CYYR1: variants seen among roughly 807,000 people sequenced by gnomAD.
The protein encoded by CYYR1 is cysteine and tyrosine rich 1.
Under a neutral mutation model 15.2 loss-of-function variants are expected in CYYR1, and 14 were observed. The observed-to-expected ratio is 0.92, with a 90% CI of 0.61 to 1.44. The LOEUF (loss-of-function observed/expected upper bound fraction) is 1.44. Ranked by LOEUF, CYYR1 falls within the 40% of genes most tolerant of loss-of-function variation. CYYR1 has a pLI of 0.00. For synonymous variants in CYYR1, 80 were observed against 77.4 expected, an observed-to-expected ratio of 1.03 and a Z score of -0.18; for missense variants, 228 against 209.5, an observed-to-expected ratio of 1.09 and a Z score of -0.54.
chr21:26,503,757 G>C (rs1235474223), intron 2 of CYYR1: 3 of 152,074 alleles, frequency 2.0e-5, no homozygotes, highest in Non-Finnish European at 2.9e-5. Flanking sequence ...TATTTATTCA[G>C]ATAATCATAA....
chr21:26,527,814 G>A (rs140633014), intron 2 of CYYR1, among the ~76,000 whole-genome samples: 18 of 152,272 alleles, frequency 1.2e-4, no homozygotes, highest in African/African-American at 4.1e-4. Flanking sequence ...AGTGATTTGA[G>A]GGTGTGTGCA....
intron 2 of CYYR1, among the ~76,000 whole-genome samples, chr21:26,501,066 G>A (rs537650131): frequency 1.4e-4 from 21 of 152,164 alleles, no homozygotes; most frequent in African/African-American, 2.7e-4. Flanking sequence ...AAGGCCGGGC[G>A]CAGTGACTTA....
chr21:26,488,282 T>A (rs1420798043), intron 2 of CYYR1, among the ~76,000 whole-genome samples: 2 of 151,482 alleles, frequency 1.3e-5, no homozygotes, highest in African/African-American at 4.9e-5. Flanking sequence ...CCTTCCTTCC[T>A]TCCAGACAAG....
At position 26,468,061 on chromosome 21, in the gene CYYR1, G is replaced by GA. The variant is rs2123347007; in HGVS notation, c.*439dup. ...ACTCAAAATACATTTATTGATGAAT[G>GA]AAAGAATGAACAATTCTAGTTCTGA... On this transcript the variant is annotated 3_prime_UTR_variant, in exon 4 of 4. Transcript: ENST00000652641. 4.4e-6 allele frequency: 1 copy of GA among 225,344 alleles called. No homozygotes were observed. Among genetic ancestry groups the GA allele is most frequent in the African/African-American group, 2.3e-5 (1 of 42,768 alleles). The allele number at this position is 225,344 out of a possible 1,614,324, so 14.0% of individuals were successfully genotyped here.
Position 26,572,907 on chromosome 21 carries a change from C to CCCCT in CYYR1, c.30_33dup (p.Val12ArgfsTer16). ...AGCAGGACCAACTTCGGAAGCAAGA[C>CCCCT]CCCTGGACGCACGGGTAGCCTCGGA... is the stretch of plus-strand genomic sequence containing the variant. On this transcript the variant is annotated frameshift_variant, in exon 1 of 4. Transcript: ENST00000652641. LOFTEE classifies it high-confidence loss of function. The CCCCT allele has an allele frequency of 1.9e-6, 3 of 1,614,060 alleles. No individual in the cohort carries two copies. The highest frequency in any genetic ancestry group is 2.5e-6 in the Non-Finnish European group (3 of 1,180,002).
chr21:26,541,160 T>C (rs1288939099), intron 2 of CYYR1, among the ~76,000 whole-genome samples: 1 of 152,110 alleles, frequency 6.6e-6, no homozygotes, highest in Non-Finnish European at 1.5e-5. Flanking sequence ...CAAAATCTAA[T>C]ACATGTGGAG....
intron 2 of CYYR1, among the ~76,000 whole-genome samples, chr21:26,495,406 G>A (rs969033733): frequency 3.3e-5 from 5 of 152,188 alleles, no homozygotes; most frequent in African/African-American, 4.8e-5. Context: ...GAAGGGCCAT[G>A]TGACTAACTT....
At chr21:26,509,850 G>A (rs1324327378) in intron 2 of CYYR1, among the ~76,000 whole-genome samples, 1 of 152,162 alleles carries the variant, frequency 6.6e-6, no homozygotes, top group African/African-American at 2.4e-5. Context: ...ACCCAACTGG[G>A]GGTTAAGGCT....
chr21:26,568,357 T>C (rs1375728012), intron 1 of CYYR1: 1 of 152,120 alleles, frequency 6.6e-6, no homozygotes, highest in Non-Finnish European at 1.5e-5. Flanking sequence ...AAATAAGCAA[T>C]GGGGAAAGGA....
chr21:26,570,289 A>G (rs575192452), intron 1 of CYYR1, among the ~76,000 whole-genome samples: 2 of 152,292 alleles, frequency 1.3e-5, no homozygotes, highest in South Asian at 4.1e-4. Context: ...GGTCTGGAAG[A>G]AGGTTCCCCA....
chr21:26,480,220 G>T (rs1418096080), intron 3 of CYYR1, 52 bp downstream of exon 3: 13 of 1,528,348 alleles, frequency 8.5e-6, no homozygotes, highest in Non-Finnish European at 1.1e-5. Context: ...TCTGTGAGGA[G>T]CAGAGGATAA....
intron 2 of CYYR1, among the ~76,000 whole-genome samples, chr21:26,552,692 T>C (rs184847011): frequency 1.3e-5 from 2 of 152,254 alleles, no homozygotes; most frequent in East Asian, 1.9e-4. Flanking sequence ...ACAGGATATA[T>C]ACTTAACTCT....
intron 1 of CYYR1, among the ~76,000 whole-genome samples, chr21:26,570,901 C>T (rs542296549): frequency 8.7e-4 from 132 of 152,236 alleles, no homozygotes; most frequent in Middle Eastern, 6.8e-3. Context: ...GGGTTCAGGG[C>T]GTCTATATTT....
intron 1 of CYYR1, among the ~76,000 whole-genome samples, chr21:26,572,637 G>A (rs555180882): frequency 6.6e-6 from 1 of 152,280 alleles, no homozygotes; most frequent in East Asian, 1.9e-4. Context: ...AGGTGGAAAG[G>A]GAAAGAAAAG....
At chr21:26,543,228 T>C (rs1601812730) in intron 2 of CYYR1, among the ~76,000 whole-genome samples, 1 of 152,178 alleles carries the variant, frequency 6.6e-6, no homozygotes, top group East Asian at 1.9e-4. Context: ...AAACAGCTAA[T>C]GCACGCCGGG....
At chr21:26,554,808 A>G (rs1979651890) in intron 2 of CYYR1, among the ~76,000 whole-genome samples, 1 of 152,252 alleles carries the variant, frequency 6.6e-6, no homozygotes, top group South Asian at 2.1e-4. Context: ...TCTGTTGCTC[A>G]GGCTGGACTC....
At chr21:26,503,467 G>C (rs2065510022) in intron 2 of CYYR1, 1 of 152,072 alleles carries the variant, frequency 6.6e-6, no homozygotes, top group South Asian at 2.1e-4. Context: ...TAATTATAGA[G>C]CGAAAATTTT....
At chr21:26,476,436 G>A (rs1289533103) in intron 3 of CYYR1, among the ~76,000 whole-genome samples, 2 of 152,014 alleles carry the variant, frequency 1.3e-5, no homozygotes, top group African/African-American at 2.4e-5. Context: ...ATTTAGCATC[G>A]GTTGATGATT....
chr21:26,495,599 C>A (rs1405169767), intron 2 of CYYR1, among the ~76,000 whole-genome samples: 1 of 152,098 alleles, frequency 6.6e-6, no homozygotes, highest in African/African-American at 2.4e-5. Flanking sequence ...AGCAGATCTG[C>A]GTGACTGGGA....
Sources: gnomAD v4.1 joint callset for allele counts (sites outside exome capture counted in the v4.1 genomes callset) on GRCh38, gnomAD v4.1.1 for gene constraint, MANE v1.5 for transcripts, NCBI Gene and HGNC (gene_info 2026-07-23, HGNC 2026-07-21) for gene names.